Variants in ARHGAP42 observed in about 807,000 individuals in gnomAD.
The protein encoded by ARHGAP42 is Rho GTPase activating protein 42, also known as rho GTPase-activating protein 42.
Under a neutral mutation model 125.0 loss-of-function variants are expected in ARHGAP42, and 63 were observed. The ratio of observed to expected loss-of-function variants is 0.50; its 90% CI spans 0.41 to 0.62. The LOEUF is 0.62. Among genes scored for constraint, ARHGAP42 ranks in the 20% least tolerant of loss-of-function variants. The pLI, the probability that ARHGAP42 is intolerant of heterozygous loss-of-function variation, is 0.00. For synonymous variants in ARHGAP42, 339 were observed against 351.0 expected (o/e 0.97, Z 0.38); for missense variants, 766 against 1,024.2 (o/e 0.75, Z 3.44).
At chr11:100,834,243 A>C (rs923810984) in intron 3 of ARHGAP42, among the ~76,000 whole-genome samples, 1 of 152,176 alleles carries the variant, frequency 6.6e-6, no homozygotes, top group Non-Finnish European at 1.5e-5. Context: ...TTTGTGTTTG[A>C]ACCCAGGGCT....
chr11:100,785,314 C>G (rs1434771600), intron 2 of ARHGAP42, among the ~76,000 whole-genome samples: 1 of 152,170 alleles, frequency 6.6e-6, no homozygotes, highest in Non-Finnish European at 1.5e-5. Context: ...GCCGGGCCAT[C>G]TGGTAAGAGT....
At chr11:100,855,490 A>G (rs1865302477) in intron 3 of ARHGAP42, among the ~76,000 whole-genome samples, 1 of 152,146 alleles carries the variant, frequency 6.6e-6, no homozygotes, top group Admixed American at 6.6e-5. Flanking sequence ...GTGAAAAGCA[A>G]GCACTGAAAA....
intron 10 of ARHGAP42, among the ~76,000 whole-genome samples, chr11:100,947,701 A>G (rs1217931811): frequency 6.6e-6 from 1 of 151,934 alleles, no homozygotes; most frequent in African/African-American, 2.4e-5. Context: ...GATGTATGTT[A>G]TTATTTGTCA....
chr11:100,721,364 A>C (rs1318497905), intron 1 of ARHGAP42, among the ~76,000 whole-genome samples: 3 of 152,188 alleles, frequency 2.0e-5, no homozygotes, highest in Non-Finnish European at 1.5e-5. Flanking sequence ...ATACAGTTGG[A>C]ATCATGCAAT....
Position 100,992,134 on chromosome 11 carries a change from G to T in ARHGAP42, c.*3333G>T, listed in dbSNP as rs575852488. The T allele has an allele frequency of 6.0e-6, 4 of 667,872 alleles. No individual in the cohort carries two copies. Among genetic ancestry groups the T allele is most frequent in the Non-Finnish European group, 9.8e-6 (4 of 406,650 alleles). The allele number at this position is 667,872 out of a possible 1,614,324, so 41.4% of individuals were successfully genotyped here. A position where few individuals can be genotyped will look rare whatever the true frequency, so the allele number is the denominator to read the frequency against. ...GTTTAGAAGAGTCCCTCAGAGCTTT[G>T]CCTCAAGCAATTTCAAATTGTAGTG... On this transcript the variant is annotated 3_prime_UTR_variant, in exon 24 of 24. Transcript: ENST00000298815.
rs932356917 is a variant in ARHGAP42 at position 100,949,900 on chromosome 11, C to T, written c.1123-17C>T. On this transcript the variant is annotated splice_polypyrimidine_tract_variant and intron_variant, in intron 11 of 23. Coordinates refer to ENST00000298815, the MANE Select transcript of ARHGAP42 (RefSeq NM_152432.4). ...TCATTAACTGGAAGTAACTAATGGA[C>T]ATCCTTTGTTTTTTAGATTTATACT... is the stretch of plus-strand genomic sequence containing the variant. 1 of 1,442,544 alleles carries T rather than the reference C, an allele frequency of 6.9e-7. No homozygotes were observed. Among genetic ancestry groups the T allele is most frequent in the African/African-American group, 1.4e-5 (1 of 70,778 alleles). 89.4% of individuals were successfully genotyped at this position (1,442,544 alleles called of 1,614,324 possible). A position where few individuals can be genotyped will look rare whatever the true frequency, so the allele number is the denominator to read the frequency against.
At chr11:100,963,946 T>C (rs1858022306) in intron 16 of ARHGAP42, among the ~76,000 whole-genome samples, 1 of 152,104 alleles carries the variant, frequency 6.6e-6, no homozygotes, top group African/African-American at 2.4e-5. Context: ...TAGTCAAGCT[T>C]TTGGTCACAA....
At chr11:100,693,160 GTT>G (rs11453104) in intron 1 of ARHGAP42, among the ~76,000 whole-genome samples, 3 of 141,890 alleles carry the variant, frequency 2.1e-5, no homozygotes, top group Admixed American at 1.4e-4. Context: ...TTGCACGTAG[GTT>G]TTTTTTTTTT....
chr11:100,822,511 A>C (rs764059850), intron 3 of ARHGAP42, among the ~76,000 whole-genome samples: 11 of 152,090 alleles, frequency 7.2e-5, no homozygotes, highest in Non-Finnish European at 1.0e-4. Context: ...AATATTGGTA[A>C]ATTGGATCTT....
chr11:100,865,885 TG>T (rs1865557643), intron 4 of ARHGAP42, among the ~76,000 whole-genome samples: 1 of 152,198 alleles, frequency 6.6e-6, no homozygotes, highest in African/African-American at 2.4e-5. Flanking sequence ...TGCTGAAGGC[TG>T]GGGTGGCTGT....
intron 3 of ARHGAP42, among the ~76,000 whole-genome samples, chr11:100,828,879 A>G (rs1864595349): frequency 6.6e-6 from 1 of 152,110 alleles, no homozygotes; most frequent in Non-Finnish European, 1.5e-5. Context: ...AGATGTGTAA[A>G]GTGAGGCCCA....
At chr11:100,964,885 C>T (rs960330120) in intron 16 of ARHGAP42, among the ~76,000 whole-genome samples, 2 of 152,076 alleles carry the variant, frequency 1.3e-5, no homozygotes, top group African/African-American at 4.8e-5. Flanking sequence ...TCTGGTCACA[C>T]TGGGTTGAAT....
At chr11:100,743,053 T>TA (rs148364488) in intron 1 of ARHGAP42, among the ~76,000 whole-genome samples, 8,364 of 152,230 alleles carry the variant, frequency 0.055, 405 homozygotes, top group East Asian at 0.23. Context: ...GTGGAGCATT[T>TA]AGGCCATTTA....
At chr11:100,780,628 C>T (rs1035296081) in intron 2 of ARHGAP42, among the ~76,000 whole-genome samples, 2 of 152,142 alleles carry the variant, frequency 1.3e-5, no homozygotes, top group Non-Finnish European at 2.9e-5. Flanking sequence ...AGCCGAAGGC[C>T]GATGGGGATT....
At chr11:100,968,222 G>T (rs1202950154) in intron 17 of ARHGAP42, among the ~76,000 whole-genome samples, 1 of 152,038 alleles carries the variant, frequency 6.6e-6, no homozygotes, top group African/African-American at 2.4e-5. Context: ...GCATATAGTT[G>T]GATCTTACTG....
chr11:100,887,184 A>G (rs576699264), intron 4 of ARHGAP42, among the ~76,000 whole-genome samples: 1 of 152,242 alleles, frequency 6.6e-6, no homozygotes, highest in African/African-American at 2.4e-5. Context: ...CTCAGAAAAT[A>G]CTAAGCATTA....
chr11:100,843,466 G>C (rs1233754994), intron 3 of ARHGAP42, among the ~76,000 whole-genome samples: 1 of 152,064 alleles, frequency 6.6e-6, no homozygotes, highest in Admixed American at 6.6e-5. Flanking sequence ...AATCATTCAA[G>C]AGAAAGAAAT....
At chr11:100,756,735 A>G (rs1250231017) in intron 1 of ARHGAP42, among the ~76,000 whole-genome samples, 2 of 152,228 alleles carry the variant, frequency 1.3e-5, no homozygotes, top group African/African-American at 2.4e-5. Context: ...ACGTAGTTGC[A>G]CAAGTTGACA....
At chr11:100,699,480 G>GTATATATATA in intron 1 of ARHGAP42, among the ~76,000 whole-genome samples, 41 of 41,472 alleles carry the variant, frequency 9.9e-4, no homozygotes, top group South Asian at 4.1e-3. Flanking sequence ...ATTTATTCAT[G>GTATATATATA]TATATATATA....
Sources: allele counts gnomAD v4.1 joint callset (sites outside exome capture counted in the v4.1 genomes callset), GRCh38; gene constraint gnomAD v4.1.1; transcripts MANE v1.5; gene names NCBI Gene and HGNC (gene_info 2026-07-23, HGNC 2026-07-21).